AUTS2: variants seen among roughly 807,000 people sequenced by gnomAD.
The protein encoded by AUTS2 is autism susceptibility gene 2 protein.
A neutral mutation model predicts 112.4 loss-of-function variants in AUTS2; 17 were observed. The ratio of observed to expected loss-of-function variants is 0.15; its 90% CI spans 0.10 to 0.23. The LOEUF (loss-of-function observed/expected upper bound fraction) is 0.23, where lower values mean the gene tolerates loss of function less well. Among genes scored for constraint, AUTS2 ranks in the 10% least tolerant of loss-of-function variants. The pLI is 1.00. For missense variants in AUTS2, 1,510 were observed against 1,701.6 expected (o/e 0.89, Z 1.98); for synonymous variants, 751 against 702.7 (o/e 1.07, Z -1.09).
At chr7:70,563,811 A>AAAATGCT (rs1801590387) in intron 5 of AUTS2, among the ~76,000 whole-genome samples, 2 of 152,242 alleles carry the variant, frequency 1.3e-5, no homozygotes, top group African/African-American at 4.8e-5. Flanking sequence ...TTCTGCCCTT[A>AAAATGCT]AAATGCTAAT....
intron 1 of AUTS2, among the ~76,000 whole-genome samples, chr7:69,671,486 G>T (rs889257991): frequency 2.9e-5 from 4 of 138,518 alleles, no homozygotes; most frequent in African/African-American, 8.1e-5. Flanking sequence ...TGCTGCTGCT[G>T]GTGTGTGTGT....
At chr7:70,135,342 CAT>C (rs1806497553) in intron 4 of AUTS2, among the ~76,000 whole-genome samples, 1 of 152,076 alleles carries the variant, frequency 6.6e-6, no homozygotes, top group African/African-American at 2.4e-5. Flanking sequence ...AATAGGATAA[CAT>C]GTCAATGTAA....
intron 4 of AUTS2, among the ~76,000 whole-genome samples, chr7:70,275,753 G>A: frequency 6.6e-6 from 1 of 152,128 alleles, no homozygotes; most frequent in East Asian, 1.9e-4. Flanking sequence ...ATTTTATAAG[G>A]GGCTTTTTTC....
At chr7:70,304,588 C>T (rs1354120535) in intron 4 of AUTS2, among the ~76,000 whole-genome samples, 1 of 152,100 alleles carries the variant, frequency 6.6e-6, no homozygotes, top group Non-Finnish European at 1.5e-5. Flanking sequence ...CCTGTGAATA[C>T]ATCTTGCGGA....
At chr7:69,730,019 T>TTTTTTTTTTTTTTTTTTTTTTTA (rs10684332) in intron 1 of AUTS2, among the ~76,000 whole-genome samples, 1 of 132,042 alleles carries the variant, frequency 7.6e-6, no homozygotes, top group South Asian at 2.3e-4. Flanking sequence ...TTTTTTTTTT[T>TTTTTTTTTTTTTTTTTTTTTTTA]AGAAACTAGG....
chr7:70,078,430 G>C (rs1172612871), intron 2 of AUTS2, among the ~76,000 whole-genome samples: 1 of 152,038 alleles, frequency 6.6e-6, no homozygotes. Flanking sequence ...TAATATTTTT[G>C]GACTGTGGTT....
chr7:70,038,998 A>G (rs1390002252), intron 2 of AUTS2, among the ~76,000 whole-genome samples: 1 of 151,970 alleles, frequency 6.6e-6, no homozygotes, highest in Non-Finnish European at 1.5e-5. Flanking sequence ...GCCTCAGGTG[A>G]TCCACCTGCC....
intron 1 of AUTS2, among the ~76,000 whole-genome samples, chr7:69,702,428 G>T (rs905181938): frequency 2.4e-4 from 36 of 152,152 alleles, no homozygotes; most frequent in African/African-American, 8.4e-4. Context: ...TCTGTGAAAG[G>T]TACATACTTA....
intron 5 of AUTS2, among the ~76,000 whole-genome samples, chr7:70,643,753 T>C (rs1805988907): frequency 6.6e-6 from 1 of 152,220 alleles, no homozygotes; most frequent in Non-Finnish European, 1.5e-5. Context: ...GTATCATCTC[T>C]GATCTCTCTC....
At chr7:69,628,604 G>T (rs1481062042) in intron 1 of AUTS2, among the ~76,000 whole-genome samples, 1 of 152,160 alleles carries the variant, frequency 6.6e-6, no homozygotes, top group Non-Finnish European at 1.5e-5. Flanking sequence ...GGCTGGGGAG[G>T]CCTCAGGAAA....
At chr7:70,057,178 AGTTATCT>A (rs1802031999) in intron 2 of AUTS2, among the ~76,000 whole-genome samples, 1 of 152,122 alleles carries the variant, frequency 6.6e-6, no homozygotes, top group South Asian at 2.1e-4. Flanking sequence ...ATAGTTTACC[AGTTATCT>A]GTATCCTTGC....
intron 5 of AUTS2, among the ~76,000 whole-genome samples, chr7:70,649,591 C>G (rs541081029): frequency 6.6e-6 from 1 of 151,640 alleles, no homozygotes; most frequent in East Asian, 1.9e-4. Flanking sequence ...TGCAGTAGTG[C>G]GATCTTGGCT....
chr7:70,237,539 G>A (rs1010003056), intron 4 of AUTS2, among the ~76,000 whole-genome samples: 2 of 152,164 alleles, frequency 1.3e-5, no homozygotes, highest in Admixed American at 1.3e-4. Flanking sequence ...CTTTACCACT[G>A]TATTGCTAAG....
intron 1 of AUTS2, among the ~76,000 whole-genome samples, chr7:69,788,068 T>C (rs1789456066): frequency 6.6e-6 from 1 of 152,208 alleles, no homozygotes. Flanking sequence ...AAATTGCTCT[T>C]GGTGAAGATG....
At chr7:70,618,726 G>C (rs950405880) in intron 5 of AUTS2, among the ~76,000 whole-genome samples, 8 of 151,968 alleles carry the variant, frequency 5.3e-5, no homozygotes, top group Non-Finnish European at 1.0e-4. Flanking sequence ...GACAGACAGA[G>C]AGAGAGAAAG....
intron 4 of AUTS2, among the ~76,000 whole-genome samples, chr7:70,399,034 T>G (rs1794212929): frequency 6.6e-6 from 1 of 151,148 alleles, no homozygotes; most frequent in African/African-American, 2.4e-5. Flanking sequence ...CCACCCAGGC[T>G]GGAATGCAGT....
At position 70,468,479 on chromosome 7, in the gene AUTS2, C is replaced by T. The variant is rs539980330; in HGVS notation, c.690+32698C>T. Among the ~76,000 whole-genome samples the T allele has an allele frequency of 3.3e-5, 5 of 152,256 alleles. No individual in the cohort carries two copies. The South Asian group carries it at 1.0e-3, about 32-fold the overall frequency. On this transcript the variant is annotated intron_variant, in intron 5 of 18. Coordinates refer to ENST00000342771, the MANE Select transcript of AUTS2 (RefSeq NM_015570.4). ...TGCCTTGAAGATTTAAATGAGCTCA[C>T]GTTTTCCTGACCTGGACAAGTTACC...
chr7:69,702,692 C>G (rs1211143076), intron 1 of AUTS2, among the ~76,000 whole-genome samples: 1 of 152,058 alleles, frequency 6.6e-6, no homozygotes, highest in Non-Finnish European at 1.5e-5. Context: ...GTTAGAAATG[C>G]AGATTTGGGG....
chr7:70,102,841 A>G (rs1192459177), intron 2 of AUTS2, among the ~76,000 whole-genome samples: 3 of 150,404 alleles, frequency 2.0e-5, no homozygotes, highest in Admixed American at 2.0e-4. Flanking sequence ...TAATATGACC[A>G]AAAAAAACTG....
Sources: gnomAD v4.1 joint callset for allele counts (sites outside exome capture counted in the v4.1 genomes callset) on GRCh38, gnomAD v4.1.1 for gene constraint, MANE v1.5 for transcripts, NCBI Gene and HGNC (gene_info 2026-07-23, HGNC 2026-07-21) for gene names.